CEP170: variants seen among roughly 807,000 people sequenced by gnomAD.
CEP170 encodes the protein centrosomal protein 170.
In CEP170, 21 loss-of-function variants were observed where a neutral mutation model predicts 151.9. The observed-to-expected ratio is 0.14, with a 90% CI of 0.10 to 0.20. The LOEUF (loss-of-function observed/expected upper bound fraction) is 0.20, where lower values mean the gene tolerates loss of function less well. Ranked by LOEUF, CEP170 falls within the 10% of genes least tolerant of loss-of-function variation. The pLI is 1.00. For missense variants in CEP170, 964 were observed against 1,892.9 expected (o/e 0.51, Z 9.11); for synonymous variants, 356 against 648.8 (o/e 0.55, Z 6.86).
At chr1:243,175,819 CAG>C (rs2059200486) in intron 10 of CEP170, among the ~76,000 whole-genome samples, 1 of 151,804 alleles carries the variant, frequency 6.6e-6, no homozygotes, top group Non-Finnish European at 1.5e-5. Context: ...TTTTTTGAGA[CAG>C]AGTCTCGCTT....
Position 243,126,483 on chromosome 1 carries a change from T to C in CEP170, c.4721A>G (p.Asp1574Gly). The C allele has an allele frequency of 6.2e-7, 1 of 1,610,294 alleles. No individual in the cohort carries two copies. The highest frequency in any genetic ancestry group is 8.5e-7 in the Non-Finnish European group (1 of 1,178,008). ...TACTGTAACATCTTCCTCTTCCCCA[T>C]CGGGGTTGAATCTATTGAAATGTAT... is the stretch of plus-strand genomic sequence containing the variant. ...FSIHFNRFNP[D>G]GEEEDVTVQE The change falls in exon 20 of 20, where the codon GAT becomes GGT. Residue 1574 changes from aspartate (D) to glycine (G), a missense_variant. Physicochemically the swap from Asp to Gly is moderately conservative, Grantham distance 94. Transcript: ENST00000366542.
intron 7 of CEP170, among the ~76,000 whole-genome samples, chr1:243,196,421 G>A (rs2060650498): frequency 6.6e-6 from 1 of 152,020 alleles, no homozygotes; most frequent in South Asian, 2.1e-4. Context: ...TTAAATAAAT[G>A]CATACAAAGC....
At chr1:243,207,433 T>C (rs1006591585) in intron 4 of CEP170, among the ~76,000 whole-genome samples, 6 of 152,166 alleles carry the variant, frequency 3.9e-5, no homozygotes, top group Non-Finnish European at 8.8e-5. Flanking sequence ...CCCATAATTA[T>C]AGCCTGAGAT....
chr1:243,150,091 C>A (rs931821079), intron 14 of CEP170, among the ~76,000 whole-genome samples: 1 of 152,150 alleles, frequency 6.6e-6, no homozygotes, highest in African/African-American at 2.4e-5. Context: ...TTTTGTCTTA[C>A]AATGCCAAGT....
rs1333414396 is a variant in CEP170, at chr1:243,124,859, AAGG to A, written c.*1587_*1589del. 1 of 152,170 alleles carries A rather than the reference AAGG, an allele frequency of 6.6e-6. No individual in the cohort carries two copies. The highest frequency in any genetic ancestry group is 1.9e-4 in the East Asian group (1 of 5,162). 9.4% of individuals were successfully genotyped at this position (152,170 alleles called of 1,614,324 possible). On this transcript the variant is annotated 3_prime_UTR_variant, in exon 20 of 20. Transcript: ENST00000366542. ...GACAGAATGGGGAATTTAGCTTTACAAGGAGAATAGTTCATTTACCTTTTTTTT... is the reference window on the plus strand; with the variant it reads ...GACAGAATGGGGAATTTAGCTTTACAAGAATAGTTCATTTACCTTTTTTTT...
chr1:243,221,861 A>C, intron 2 of CEP170, 48 bp from the exon 3 acceptor site: 8 of 1,520,300 alleles, frequency 5.3e-6, no homozygotes, highest in Non-Finnish European at 6.2e-6. Context: ...TACTAGAATA[A>C]ATACCAGTCA....
chr1:243,160,874 T>C (rs2058010018), intron 13 of CEP170, among the ~76,000 whole-genome samples: 1 of 152,114 alleles, frequency 6.6e-6, no homozygotes, highest in South Asian at 2.1e-4. Context: ...CTCAAAAAAT[T>C]CTAAGGATAT....
chr1:243,244,718 C>T (rs2065198285), intron 1 of CEP170, among the ~76,000 whole-genome samples: 1 of 151,436 alleles, frequency 6.6e-6, no homozygotes, highest in Admixed American at 6.6e-5. Flanking sequence ...TGCACTCCAG[C>T]CTGGAGGACA....
At chr1:243,155,535 T>G (rs1322922478) in intron 14 of CEP170, among the ~76,000 whole-genome samples, 1 of 152,130 alleles carries the variant, frequency 6.6e-6, no homozygotes, top group Admixed American at 6.5e-5. Flanking sequence ...TCACAAACTT[T>G]AAACAAAAAA....
chr1:243,146,559 A>T (rs1277528852), intron 14 of CEP170, among the ~76,000 whole-genome samples: 2 of 151,574 alleles, frequency 1.3e-5, no homozygotes, highest in Non-Finnish European at 2.9e-5. Context: ...TTCATTAAGT[A>T]TTTGGTTTAG....
chr1:243,203,998 G>T (rs745396739), intron 4 of CEP170, among the ~76,000 whole-genome samples: 6 of 152,040 alleles, frequency 3.9e-5, no homozygotes, highest in Non-Finnish European at 7.4e-5. Context: ...ACTTGTAGAA[G>T]ATCCTGTTCT....
At position 243,185,663 on chromosome 1, in the gene CEP170, T is replaced by G; in HGVS notation, c.1566+116A>C. 7.1e-7 allele frequency: 1 copy of G among 1,415,136 alleles called. No individual in the cohort carries two copies. The highest frequency in any genetic ancestry group is 1.4e-5 in the African/African-American group (1 of 69,920). The allele number at this position is 1,415,136 out of a possible 1,614,324, so 87.7% of individuals were successfully genotyped here. ...GTCTTGCAGTTCCCTAACAAAACCC[T>G]AAAATTCACATACCACTGACTGCAT... On this transcript the variant is annotated intron_variant, in intron 10 of 19. Coordinates refer to ENST00000366542, the MANE Select transcript of CEP170 (RefSeq NM_014812.3). This position sits in a 1 kb window ranked among gnomAD's most constrained non-coding sequence, Gnocchi z 4.9.
At chr1:243,149,130 G>C (rs1162220854) in intron 14 of CEP170, among the ~76,000 whole-genome samples, 1 of 150,746 alleles carries the variant, frequency 6.6e-6, no homozygotes, top group Non-Finnish European at 1.5e-5. Context: ...AATGTTTATC[G>C]CTACAGATAA....
intron 17 of CEP170, among the ~76,000 whole-genome samples, chr1:243,131,394 A>AGGT (rs1395170291): frequency 2.0e-5 from 3 of 152,058 alleles, no homozygotes; most frequent in Non-Finnish European, 2.9e-5. Context: ...AAGAAGGCTG[A>AGGT]GGTGGGAGGA....
intron 10 of CEP170, among the ~76,000 whole-genome samples, chr1:243,175,568 C>T (rs1248537614): frequency 2.6e-5 from 4 of 152,160 alleles, no homozygotes; most frequent in Non-Finnish European, 5.9e-5. Flanking sequence ...AGTTAGTGTA[C>T]TTTTCACACT....
chr1:243,253,038 T>A (rs1415441049), intron 1 of CEP170: 1 of 152,192 alleles, frequency 6.6e-6, no homozygotes, highest in Non-Finnish European at 1.5e-5. Flanking sequence ...ACACAGCCTA[T>A]AGAGTTGATC....
intron 1 of CEP170, among the ~76,000 whole-genome samples, chr1:243,228,174 A>G (rs1228582749): frequency 1.3e-5 from 2 of 152,242 alleles, no homozygotes; most frequent in Admixed American, 1.3e-4. Flanking sequence ...TATATATTAA[A>G]CCAAAATCCT....
intron 1 of CEP170, among the ~76,000 whole-genome samples, chr1:243,242,323 A>G (rs886737698): frequency 2.6e-5 from 4 of 151,986 alleles, no homozygotes; most frequent in Non-Finnish European, 5.9e-5. Context: ...GGTTCACGCC[A>G]TTCTCCTGCC....
At chr1:243,249,056 G>C (rs2065685907) in intron 1 of CEP170, among the ~76,000 whole-genome samples, 1 of 152,152 alleles carries the variant, frequency 6.6e-6, no homozygotes, top group South Asian at 2.1e-4. Context: ...TCAAGGTGTA[G>C]CATAGTGGAT....
Sources: gnomAD v4.1 joint callset for allele counts (sites outside exome capture counted in the v4.1 genomes callset) on GRCh38, gnomAD v4.1.1 for gene constraint, Gnocchi (gnomAD v3.1) non-coding constraint, MANE v1.5 for transcripts, NCBI Gene and HGNC (gene_info 2026-07-23, HGNC 2026-07-21) for gene names.